The following WDR46 variants were observed in gnomAD, a reference collection of about 807,000 sequenced individuals.
WDR46 encodes WD repeat domain 46, also known as WD repeat-containing protein 46.
Under a neutral mutation model 74.7 loss-of-function variants are expected in WDR46, and 58 were observed. The observed-to-expected ratio is 0.78, with a 90% confidence interval of 0.63 to 0.97. The LOEUF (loss-of-function observed/expected upper bound fraction) is 0.97. WDR46 is among the 50% of genes least tolerant of loss of function. The pLI, the probability that WDR46 is intolerant of heterozygous loss-of-function variation, is 0.00. For synonymous variants in WDR46, 278 were observed against 297.3 expected, an observed-to-expected ratio of 0.93 and a Z score of 0.67; for missense variants, 702 against 790.1, an observed-to-expected ratio of 0.89 and a Z score of 1.34.
rs1767000893 is a variant in WDR46 at position 33,288,987 on chromosome 6, C to G, written c.96G>C (p.Glu32Asp). 1 of 1,613,984 alleles carries G rather than the reference C, an allele frequency of 6.2e-7. No individual in the cohort carries two copies. The change falls in exon 2 of 15, where the codon GAG becomes GAC. Residue 32 changes from glutamate (E) to aspartate (D), a missense_variant. Glu to Asp is a conservative substitution (Grantham distance 45). Transcript: ENST00000374617. ...RKKPRRYWEE[E>D]TVPTTAGASP... ...AGGCTCCGGCTGTGGTCGGAACGGTCTCTTCCTCCCAGTATCGCCGCGGTT... is the reference window on the plus strand; with the variant it reads ...AGGCTCCGGCTGTGGTCGGAACGGTGTCTTCCTCCCAGTATCGCCGCGGTT...
In WDR46 at chr6:33,282,548, C is replaced by T. The variant is rs374621906; in HGVS notation, c.1116-1561G>A. On this transcript the variant is annotated intron_variant, in intron 10 of 14. Transcript: ENST00000374617. ...CAGCAGTTCGGCTTTGAGAAGTCAA[C>T]GCAATCCAATCATAATACAAGCTAC... is the stretch of plus-strand genomic sequence containing the variant. Among the ~76,000 whole-genome samples the T allele has an allele frequency of 8.5e-5, 13 of 152,268 alleles. No homozygotes were observed. In the South Asian group the frequency reaches 1.0e-3, roughly 12 times the overall value.
At chr6:33,280,575 C>T (rs2150895069) in intron 11 of WDR46, 53 bp from the exon 12 acceptor site, 2 of 1,600,840 alleles carry the variant, frequency 1.2e-6, no homozygotes, top group Non-Finnish European at 1.7e-6. Context: ...CTCAGTCCAA[C>T]AGCTCCAGCC....
Position 33,287,653 on chromosome 6 carries a change from A to G in WDR46, c.689T>C (p.Met230Thr). ...CGCCTCCATGACGTTGATCTCGCAC[A>G]TAAGCTTCTTTGTTACCCAATCAAG... ...AALDWVTKKLMCEINVMEAVR... is the reference protein window; with the variant it reads ...AALDWVTKKLTCEINVMEAVR... Residue 230 changes from methionine (M) to threonine (T), a missense_variant, in exon 7 of 15, where the codon ATG becomes ACG. Met to Thr is a moderately conservative substitution (Grantham distance 81, BLOSUM62 -1). Coordinates refer to ENST00000374617, the MANE Select transcript of WDR46 (RefSeq NM_005452.6). 1.2e-6 allele frequency: 2 copies of G among 1,613,936 alleles called. No individual in the cohort carries two copies. Among genetic ancestry groups the G allele is most frequent in the South Asian group, 2.2e-5 (2 of 91,062 alleles).
rs183527731 is a variant in WDR46, at chr6:33,280,474, C to G, written c.1478G>C (p.Ser493Thr). ...CTCCCACTCCTGGCGCTGCTTCCGG[C>G]TTCTGTATGGATTACTCTCCAGGCC... The part of the protein sequence containing the change: ...FDGLESNPYR[S>T]RKQRQEWEVK... The change falls in exon 12 of 15, where the codon AGC becomes ACC. Residue 493 changes from serine (S) to threonine (T), a missense_variant. Physicochemically the swap from Ser to Thr is moderately conservative, Grantham distance 58 (BLOSUM62 1). Transcript: ENST00000374617. 6.3e-7 allele frequency: 1 copy of G among 1,599,192 alleles called. No homozygotes were observed. Among genetic ancestry groups the G allele is most frequent in the Non-Finnish European group, 8.5e-7 (1 of 1,171,950 alleles).
chr6:33,279,925 G>T, intron 12 of WDR46, 66 bp from the exon 13 acceptor site: 1 of 1,528,640 alleles, frequency 6.5e-7, no homozygotes, highest in Non-Finnish European at 8.9e-7. Context: ...AAAAAGAGAA[G>T]CCAGGGAGGC....
intron 10 of WDR46, among the ~76,000 whole-genome samples, chr6:33,283,741 A>T (rs1415085110): frequency 6.6e-6 from 1 of 151,732 alleles, no homozygotes; most frequent in Non-Finnish European, 1.5e-5. Flanking sequence ...CTCTACTAAA[A>T]ATACAAAAAT....
chr6:33,287,944 G>A lies in WDR46; in HGVS notation c.623+21C>T, dbSNP rs200501165. The A allele has an allele frequency of 2.2e-5, 36 of 1,613,368 alleles. 1 individual carries two copies. The Middle Eastern group carries it at 8.2e-4, about 37-fold the overall frequency. On this transcript the variant is annotated intron_variant, in intron 6 of 14. Transcript: ENST00000374617. The stretch of plus-strand genomic sequence containing the variant: ...TAAGGAAACACATCTTAGTTCAAGA[G>A]TCACTAGAATTCAACCTTACCTTCC...
intron 10 of WDR46, chr6:33,284,809 C>T (rs1441351697): frequency 1.3e-5 from 2 of 153,376 alleles, no homozygotes; most frequent in Non-Finnish European, 2.9e-5. Flanking sequence ...CAATATCCAA[C>T]AAATAAAGTT....
At position 33,289,201 on chromosome 6, in the gene WDR46, A is replaced by T. The variant is rs370104675; in HGVS notation, c.-31T>A. 2.5e-6 allele frequency: 4 copies of T among 1,601,054 alleles called. No homozygotes were observed. The highest frequency in any genetic ancestry group is 3.4e-6 in the Non-Finnish European group (4 of 1,174,090). ...CCACCCGAACGGCGATCCACGTGCA[A>T]AACTCCTCTCAGCTGCCACACAGTC... On this transcript the variant is annotated 5_prime_UTR_variant, in exon 1 of 15. In the 5' UTR this introduces an upstream ATG that the reference lacks. Transcript: ENST00000374617.
rs775292869 is a variant in WDR46, at chr6:33,287,145, C to A, written c.961G>T (p.Asp321Tyr). Reference sequence around the variant, plus strand: ...TTGTAAGGGTTCTGACTCATAACATCGAGCCGCCCAGCTCGAGCATTCAGA... The same window carrying A: ...TTGTAAGGGTTCTGACTCATAACATAGAGCCGCCCAGCTCGAGCATTCAGA... Reference protein sequence around the residue: ...AALNARAGRLDVMSQNPYNAV... With the variant: ...AALNARAGRLYVMSQNPYNAV... Residue 321 changes from aspartate to tyrosine, a missense_variant, in exon 9 of 15, where the codon GAT becomes TAT. Physicochemically the swap from Asp to Tyr is radical, Grantham distance 160. Coordinates refer to ENST00000374617, the MANE Select transcript of WDR46 (RefSeq NM_005452.6). 1 of 1,613,956 alleles carries A rather than the reference C, an allele frequency of 6.2e-7. No individual in the cohort carries two copies.
chr6:33,279,338 T>TA lies in WDR46; in HGVS notation c.1770dup (p.Lys591Ter). The TA allele has an allele frequency of 6.2e-7, 1 of 1,614,224 alleles. No homozygotes were observed. Among genetic ancestry groups the TA allele is most frequent in the Non-Finnish European group, 8.5e-7 (1 of 1,180,046 alleles). On this transcript the variant is annotated frameshift_variant, in exon 15 of 15. Transcript: ENST00000374617. LOFTEE classifies it high-confidence loss of function. ...CCCGTGGGCTTGGCCTTCGCCTCCT[T>TA]ATGATGCTGCTGCTGAAGGCTCTGC...
At chr6:33,279,733 G>C in intron 13 of WDR46, 31 bp downstream of exon 13, 2 of 1,613,314 alleles carry the variant, frequency 1.2e-6, no homozygotes, top group Non-Finnish European at 1.7e-6. Flanking sequence ...GGGAGAAGAC[G>C]GGCCTGGGCA....
intron 10 of WDR46, among the ~76,000 whole-genome samples, chr6:33,286,587 G>A (rs371563861): frequency 6.6e-6 from 1 of 152,096 alleles, no homozygotes; most frequent in Non-Finnish European, 1.5e-5. Context: ...CCCTTGAAAT[G>A]GACACTCATA....
At chr6:33,288,100 C>T (rs1222644156) in intron 5 of WDR46, 48 bp downstream of exon 5, 3 of 1,614,062 alleles carry the variant, frequency 1.9e-6, no homozygotes, top group Non-Finnish European at 2.5e-6. Context: ...CCTCTATTGT[C>T]CTGCACCACC....
chr6:33,286,931 C>G, intron 9 of WDR46, 37 bp from the exon 10 acceptor site: 2 of 1,610,078 alleles, frequency 1.2e-6, no homozygotes, highest in South Asian at 2.2e-5. Context: ...CTAATACACA[C>G]CTAAGCCTGA....
chr6:33,280,609 T>C (rs1766083804), intron 11 of WDR46, 65 bp downstream of exon 11: 4 of 1,601,114 alleles, frequency 2.5e-6, no homozygotes, highest in Admixed American at 1.7e-5. Context: ...AGTTCCTGGA[T>C]GTCTCTGGCC....
At chr6:33,285,104 C>T (rs1332617290) in intron 10 of WDR46, among the ~76,000 whole-genome samples, 1 of 152,224 alleles carries the variant, frequency 6.6e-6, no homozygotes, top group East Asian at 1.9e-4. Context: ...CCATCTGGAA[C>T]ACTAACTTTG....
At chr6:33,282,216 C>T (rs1766246238) in intron 10 of WDR46, among the ~76,000 whole-genome samples, 1 of 152,158 alleles carries the variant, frequency 6.6e-6, no homozygotes, top group Non-Finnish European at 1.5e-5. Flanking sequence ...TTTGCCTTGG[C>T]TGTGAACCCA....
At position 33,287,381 on chromosome 6, in the gene WDR46, G is replaced by A. The variant is rs778925439; in HGVS notation, c.853C>T (p.Pro285Ser). Residue 285 changes from proline to serine, a missense_variant, in exon 8 of 15, where the codon CCC becomes TCC. Physicochemically the swap from Pro to Ser is moderately conservative, Grantham distance 74 (BLOSUM62 -1). Transcript: ENST00000374617. ...CDRVTRLEFL[P>S]FHFLLATASE... Reference sequence around the variant, plus strand: ...GCTGTAGCCAGGAGGAAGTGGAAGGGCAGGAACTCAAGCCGTGTTACTCGG... The same window carrying A: ...GCTGTAGCCAGGAGGAAGTGGAAGGACAGGAACTCAAGCCGTGTTACTCGG... The A allele has an allele frequency of 6.2e-7, 1 of 1,612,554 alleles. No homozygotes were observed. Among genetic ancestry groups the A allele is most frequent in the Non-Finnish European group, 8.5e-7 (1 of 1,179,822 alleles).
Sources: allele counts gnomAD v4.1 joint callset (sites outside exome capture counted in the v4.1 genomes callset), GRCh38; gene constraint gnomAD v4.1.1; transcripts MANE v1.5; gene names NCBI Gene and HGNC (gene_info 2026-07-23, HGNC 2026-07-21).